Variants in PIK3C3 observed in about 807,000 individuals in gnomAD.
The protein encoded by PIK3C3 is phosphatidylinositol 3-kinase catalytic subunit type 3, also known as PI3-kinase type 3.
A neutral mutation model predicts 126.1 loss-of-function variants in PIK3C3; 95 were observed. The observed-to-expected ratio is 0.75, with a 90% CI of 0.64 to 0.89. The LOEUF (loss-of-function observed/expected upper bound fraction) is 0.89, where lower values mean the gene tolerates loss of function less well. Among genes scored for constraint, PIK3C3 ranks in the 40% least tolerant of loss-of-function variants. The pLI is 0.00. For synonymous variants in PIK3C3, 374 were observed against 360.0 expected (o/e 1.04, Z -0.44); for missense variants, 829 against 1,063.2 (o/e 0.78, Z 3.06).
Position 42,066,598 on chromosome 18 carries a change from A to G in PIK3C3, c.2524-790A>G, listed in dbSNP as rs564584261. On this transcript the variant is annotated intron_variant, in intron 23 of 24. Coordinates refer to ENST00000262039, the MANE Select transcript of PIK3C3 (RefSeq NM_002647.4). ...TTCTGCATATTATCGATGAGATATT[A>G]TCTACTGTATGTTTGCGTATCAGTC... Among the ~76,000 whole-genome samples the G allele has an allele frequency of 5.3e-5, 8 of 152,284 alleles. No individual in the cohort carries two copies. The South Asian group carries it at 1.7e-3, about 32-fold the overall frequency.
At chr18:41,995,072 T>C (rs1981962385) in intron 7 of PIK3C3, among the ~76,000 whole-genome samples, 1 of 151,996 alleles carries the variant, frequency 6.6e-6, no homozygotes, top group Admixed American at 6.6e-5. Context: ...TTACTGTCAG[T>C]GTAGGGAAAG....
intron 11 of PIK3C3, among the ~76,000 whole-genome samples, chr18:42,014,347 A>G (rs746039895): frequency 6.6e-6 from 1 of 152,178 alleles, no homozygotes; most frequent in African/African-American, 2.4e-5. Context: ...AAATAATAGC[A>G]TATTATTTGA....
At position 42,029,356 on chromosome 18, in the gene PIK3C3, T is replaced by C; in HGVS notation, c.1622T>C (p.Leu541Ser). The C allele has an allele frequency of 6.2e-7, 1 of 1,613,842 alleles. No individual in the cohort carries two copies. Among genetic ancestry groups the C allele is most frequent in the Non-Finnish European group, 8.5e-7 (1 of 1,179,818 alleles). Residue 541 changes from leucine to serine, a missense_variant, in exon 15 of 25, where the codon TTG becomes TCG. Leu to Ser is a moderately radical substitution (Grantham distance 145). Around this residue, in one of 4 missense-constraint regions of PIK3C3, gnomAD observed 256 missense variants for 291.0 expected, o/e 0.88. Transcript: ENST00000262039. ...AAGTCTGTCAGAGTTATGCGTTCTT[T>C]GCTGGCTGCACAACAGACATTTGTA... ...GDKSVRVMRS[L>S]LAAQQTFVDR...
chr18:41,989,037 G>T (rs1981640430), intron 5 of PIK3C3, among the ~76,000 whole-genome samples: 2 of 151,890 alleles, frequency 1.3e-5, no homozygotes, highest in African/African-American at 4.8e-5. Context: ...GCTTCATAAA[G>T]CTGAAGAATT....
At chr18:42,074,072 C>T (rs902689958) in intron 24 of PIK3C3, among the ~76,000 whole-genome samples, 2 of 152,114 alleles carry the variant, frequency 1.3e-5, no homozygotes, top group Admixed American at 1.3e-4. Flanking sequence ...ACTTGAAAGT[C>T]GCTCTTTCCT....
At chr18:42,008,645 G>A (rs1982661998) in intron 10 of PIK3C3, among the ~76,000 whole-genome samples, 1 of 151,786 alleles carries the variant, frequency 6.6e-6, no homozygotes, top group African/African-American at 2.4e-5. Context: ...CTCTTGGGAA[G>A]TATTTACAGA....
chr18:41,987,936 G>A, intron 5 of PIK3C3, 38 bp downstream of exon 5: 1 of 1,247,908 alleles, frequency 8.0e-7, no homozygotes, highest in East Asian at 2.5e-5. Flanking sequence ...AATATTTTCT[G>A]TAAATTTTTA....
intron 11 of PIK3C3, 56 bp from the exon 12 acceptor site, chr18:42,015,420 T>G (rs1315517110): frequency 1.5e-6 from 2 of 1,356,696 alleles, no homozygotes; most frequent in Non-Finnish European, 2.1e-6. Context: ...AAATTGTGCG[T>G]TCTCTTATGG....
intron 24 of PIK3C3, among the ~76,000 whole-genome samples, chr18:42,077,900 C>T (rs1051505822): frequency 1.3e-5 from 2 of 152,128 alleles, no homozygotes; most frequent in Non-Finnish European, 2.9e-5. Context: ...AATAATAGGA[C>T]TTGAAAGTAG....
At chr18:42,057,064 C>G (rs985088963) in intron 21 of PIK3C3, among the ~76,000 whole-genome samples, 3 of 126,034 alleles carry the variant, frequency 2.4e-5, no homozygotes, top group African/African-American at 9.4e-5. Flanking sequence ...ATGAACCCCC[C>G]CCCCCGTGTT....
In PIK3C3 at chr18:42,043,113, T is replaced by G. The variant is rs182640280; in HGVS notation, c.2104-620T>G. 4.2e-3 allele frequency among the ~76,000 whole-genome samples: 645 copies of G among 152,126 alleles called. 10 individuals are homozygous for G. Among genetic ancestry groups the G allele is most frequent in the African/African-American group, 0.015 (602 of 41,482 alleles). On this transcript the variant is annotated intron_variant, in intron 19 of 24. Transcript: ENST00000262039. The stretch of plus-strand genomic sequence containing the variant: ...ACATAGGATAAACTTTTTTTTTTTT[T>G]TTGTGAGACGGAGTCTTGCTCTGTC...
At chr18:42,063,459 T>C (rs1006120809) in intron 22 of PIK3C3, among the ~76,000 whole-genome samples, 1 of 152,202 alleles carries the variant, frequency 6.6e-6, no homozygotes, top group African/African-American at 2.4e-5. Context: ...ACAAAGAAAT[T>C]AGTAATTTAA....
At chr18:41,986,167 AGTT>A (rs1460766832) in intron 4 of PIK3C3, among the ~76,000 whole-genome samples, 2 of 152,136 alleles carry the variant, frequency 1.3e-5, no homozygotes, top group African/African-American at 4.8e-5. Context: ...TCATAGTAGT[AGTT>A]GATAGTCATC....
Position 42,066,639 on chromosome 18 carries a change from TG to T in PIK3C3, c.2524-748del, listed in dbSNP as rs568914805. ...CGTATCAGTCGGATGAAATGTTGCA[TG>T]TATAATATTTGGCATGGCATTTTGC... On this transcript the variant is annotated intron_variant, in intron 23 of 24. Coordinates refer to ENST00000262039, the MANE Select transcript of PIK3C3 (RefSeq NM_002647.4). 2.0e-4 allele frequency among the ~76,000 whole-genome samples: 30 copies of T among 152,306 alleles called. 1 individual carries two copies. The East Asian group carries it at 5.8e-3, about 29-fold the overall frequency.
At chr18:42,003,393 C>A (rs1344935751) in intron 9 of PIK3C3, among the ~76,000 whole-genome samples, 2 of 152,044 alleles carry the variant, frequency 1.3e-5, no homozygotes, top group African/African-American at 4.8e-5. Flanking sequence ...CCTTTGAGAC[C>A]CAGCAATAAG....
intron 1 of PIK3C3, among the ~76,000 whole-genome samples, chr18:41,956,088 T>C (rs1240323974): frequency 2.0e-5 from 3 of 152,156 alleles, no homozygotes; most frequent in African/African-American, 7.2e-5. Flanking sequence ...AAGGTGGTCA[T>C]GTAGGAGTGT....
At chr18:42,031,717 A>G (rs1303886740) in intron 15 of PIK3C3, among the ~76,000 whole-genome samples, 1 of 152,192 alleles carries the variant, frequency 6.6e-6, no homozygotes, top group African/African-American at 2.4e-5. Context: ...GTGCCTGGCC[A>G]TCTTTTCCAT....
At chr18:41,981,685 C>A (rs1388935692) in intron 4 of PIK3C3, among the ~76,000 whole-genome samples, 2 of 151,974 alleles carry the variant, frequency 1.3e-5, no homozygotes, top group Non-Finnish European at 2.9e-5. Context: ...CTTGGCCGGG[C>A]CTGGTGGCTC....
intron 24 of PIK3C3, among the ~76,000 whole-genome samples, chr18:42,071,468 C>G (rs1167680882): frequency 6.6e-6 from 1 of 152,064 alleles, no homozygotes; most frequent in African/African-American, 2.4e-5. Flanking sequence ...GCCTGTAATC[C>G]CAGCACTTTG....
Sources: allele counts gnomAD v4.1 joint callset (sites outside exome capture counted in the v4.1 genomes callset), GRCh38; gene constraint gnomAD v4.1.1; regional missense constraint gnomAD v4.1.1; transcripts MANE v1.5; gene names NCBI Gene and HGNC (gene_info 2026-07-23, HGNC 2026-07-21).